ZFHX3: variants seen among roughly 807,000 people sequenced by gnomAD.
ZFHX3 encodes zinc finger homeobox protein 3.
A neutral mutation model predicts 279.1 loss-of-function variants in ZFHX3; 42 were observed. The ratio of observed to expected loss-of-function variants is 0.15; its 90% CI spans 0.12 to 0.19. The LOEUF (loss-of-function observed/expected upper bound fraction) is 0.19. Among genes scored for constraint, ZFHX3 ranks in the 10% least tolerant of loss-of-function variants. The pLI, the probability that ZFHX3 is intolerant of heterozygous loss-of-function variation, is 1.00. For synonymous variants in ZFHX3, 2,293 were observed against 1,957.8 expected, an observed-to-expected ratio of 1.17 and a Z score of -4.52; for missense variants, 4,981 against 4,754.0, an observed-to-expected ratio of 1.05 and a Z score of -1.40.
intron 2 of ZFHX3, among the ~76,000 whole-genome samples, chr16:73,617,312 G>A (rs868182039): frequency 1.4e-4 from 21 of 152,176 alleles, no homozygotes; most frequent in African/African-American, 5.1e-4. Context: ...AAATAGAAAA[G>A]GGCAAATCAA....
intron 2 of ZFHX3, among the ~76,000 whole-genome samples, chr16:73,557,094 C>CAAAAAAAAAAA (rs397766441): frequency 1.5e-5 from 1 of 68,552 alleles, no homozygotes. Flanking sequence ...GACTCCGTCT[C>CAAAAAAAAAAA]AAAAAAAAAA....
At chr16:73,507,692 G>T (rs976581928) in intron 2 of ZFHX3, among the ~76,000 whole-genome samples, 1 of 151,720 alleles carries the variant, frequency 6.6e-6, no homozygotes, top group Admixed American at 6.6e-5. Flanking sequence ...GTAGAGATAG[G>T]TTTTCATTTT....
At chr16:73,608,608 A>C (rs561151457) in intron 2 of ZFHX3, 1 of 152,154 alleles carries the variant, frequency 6.6e-6, no homozygotes, top group Non-Finnish European at 1.5e-5. Flanking sequence ...AGAAAACAAC[A>C]ATTTTTTTTC....
At chr16:73,766,707 G>A (rs577671644) in intron 1 of ZFHX3, among the ~76,000 whole-genome samples, 30 of 152,264 alleles carry the variant, frequency 2.0e-4, no homozygotes, top group African/African-American at 7.0e-4. Flanking sequence ...GCTGTTTAAA[G>A]CACCTATCAC....
intron 2 of ZFHX3, among the ~76,000 whole-genome samples, chr16:73,570,624 G>A (rs74030115): frequency 1.3e-5 from 2 of 152,048 alleles, no homozygotes; most frequent in Admixed American, 6.6e-5. Context: ...AAAGTTTCTT[G>A]GGCATGAGCT....
At chr16:73,048,666 G>C (rs1042574725), upstream of ZFHX3, among the ~76,000 whole-genome samples, 9 of 152,266 alleles carry the variant, frequency 5.9e-5, no homozygotes, top group African/African-American at 2.2e-4. Context: ...CCCCGTCCAC[G>C]TCACAGCCAG....
intron 5 of ZFHX3, among the ~76,000 whole-genome samples, chr16:73,239,546 C>T (rs1004384851): frequency 6.6e-6 from 1 of 152,198 alleles, no homozygotes; most frequent in African/African-American, 2.4e-5. Flanking sequence ...GTTTGCCACC[C>T]TAAGCCCAGT....
intron 3 of ZFHX3, among the ~76,000 whole-genome samples, chr16:73,388,168 G>A (rs754201567): frequency 3.3e-5 from 5 of 152,152 alleles, no homozygotes; most frequent in Non-Finnish European, 2.9e-5. Flanking sequence ...TGGCCACCAT[G>A]GAAACAGGAA....
chr16:73,071,159 A>G (rs1052392682), intron 8 of ZFHX3, among the ~76,000 whole-genome samples: 2 of 150,286 alleles, frequency 1.3e-5, no homozygotes, highest in Non-Finnish European at 3.0e-5. Flanking sequence ...AGGCCTAAAA[A>G]GTCTTCTGGG....
intron 1 of ZFHX3, among the ~76,000 whole-genome samples, chr16:73,702,625 T>A (rs1029750443): frequency 2.6e-5 from 4 of 152,076 alleles, no homozygotes; most frequent in Admixed American, 1.3e-4. Flanking sequence ...GTGAAAAGTC[T>A]GTGGGATTGG....
intron 1 of ZFHX3, among the ~76,000 whole-genome samples, chr16:73,709,342 G>T (rs2142224704): frequency 1.3e-5 from 1 of 78,810 alleles, no homozygotes; most frequent in South Asian, 4.6e-4. Context: ...TCTAGGCTGT[G>T]TGACAGAGAG....
intron 1 of ZFHX3, among the ~76,000 whole-genome samples, chr16:73,849,407 A>G (rs1961537360): frequency 6.6e-6 from 1 of 152,144 alleles, no homozygotes; most frequent in Admixed American, 6.5e-5. Context: ...CTAATAGCCA[A>G]TGTGTTAGTT....
chr16:73,477,400 A>G (rs79720037), intron 2 of ZFHX3, among the ~76,000 whole-genome samples: 1 of 152,198 alleles, frequency 6.6e-6, no homozygotes. Context: ...GATGGCTGCC[A>G]AAAGGGATTA....
intron 1 of ZFHX3, among the ~76,000 whole-genome samples, chr16:73,705,086 G>A (rs746671181): frequency 2.0e-4 from 30 of 152,096 alleles, no homozygotes; most frequent in Non-Finnish European, 2.9e-4. Flanking sequence ...CACAAAAGAC[G>A]TAACCTCAAG....
chr16:73,404,311 G>A (rs1366130211), intron 3 of ZFHX3, among the ~76,000 whole-genome samples: 3 of 152,112 alleles, frequency 2.0e-5, no homozygotes, highest in Admixed American at 2.0e-4. Context: ...GGTTTGTAAT[G>A]GTTTCCTGGA....
intron 3 of ZFHX3, among the ~76,000 whole-genome samples, chr16:73,427,974 C>T (rs991552868): frequency 6.6e-6 from 1 of 151,868 alleles, no homozygotes; most frequent in African/African-American, 2.4e-5. Context: ...AGGTACTGCC[C>T]CAGGCCTCGT....
At chr16:73,166,539 G>A (rs930023494) in intron 5 of ZFHX3, among the ~76,000 whole-genome samples, 2 of 152,098 alleles carry the variant, frequency 1.3e-5, no homozygotes, top group African/African-American at 4.8e-5. Flanking sequence ...AGAGAAGCAA[G>A]GAAGGGCCGG....
intron 5 of ZFHX3, among the ~76,000 whole-genome samples, chr16:73,191,889 C>T (rs886383889): frequency 3.9e-5 from 6 of 152,204 alleles, no homozygotes; most frequent in Non-Finnish European, 7.3e-5. Flanking sequence ...TGCAAACACG[C>T]TTTAGTGGAC....
chr16:73,226,371 C>T (rs868597985), intron 5 of ZFHX3, among the ~76,000 whole-genome samples: 49 of 152,252 alleles, frequency 3.2e-4, no homozygotes, highest in African/African-American at 1.1e-3. Flanking sequence ...AGTGAATGTA[C>T]ACATGTTGTT....
Sources: allele counts gnomAD v4.1 joint callset (sites outside exome capture counted in the v4.1 genomes callset), GRCh38; gene constraint gnomAD v4.1.1; transcripts MANE v1.5; gene names NCBI Gene and HGNC (gene_info 2026-07-23, HGNC 2026-07-21).